MKLN1: variants seen among roughly 807,000 people sequenced by gnomAD.
MKLN1 encodes the protein muskelin 1, also known as muskelin.
MKLN1 carries 18 observed loss-of-function variants against 99.0 expected under a neutral mutation model. The ratio of observed to expected loss-of-function variants is 0.18; its 90% CI spans 0.13 to 0.27. The LOEUF is 0.27. Ranked by LOEUF, MKLN1 falls within the 10% of genes least tolerant of loss-of-function variation. The pLI is 1.00. For synonymous variants in MKLN1, 288 were observed against 293.2 expected (o/e 0.98, Z 0.18); for missense variants, 621 against 875.9 (o/e 0.71, Z 3.67).
intron 1 of MKLN1, among the ~76,000 whole-genome samples, chr7:131,367,720 A>G (rs1450090220): frequency 6.6e-6 from 1 of 152,024 alleles, no homozygotes; most frequent in Non-Finnish European, 1.5e-5. Context: ...CTGTTTACTT[A>G]TATATTCTTT....
At chr7:131,273,311 T>C (rs1797914740) in intron 3 of MKLN1, among the ~76,000 whole-genome samples, 1 of 150,474 alleles carries the variant, frequency 6.6e-6, no homozygotes, top group South Asian at 2.1e-4. Flanking sequence ...GTCCTTTCTG[T>C]AATTCCTCAT....
chr7:131,358,395 G>T (rs1002254067), intron 1 of MKLN1, among the ~76,000 whole-genome samples: 2 of 152,048 alleles, frequency 1.3e-5, no homozygotes, highest in Non-Finnish European at 2.9e-5. Flanking sequence ...TTTTATTGTG[G>T]TGTGTAATTA....
intron 2 of MKLN1, among the ~76,000 whole-genome samples, chr7:131,162,473 A>G (rs1042848301): frequency 2.0e-5 from 3 of 152,174 alleles, no homozygotes; most frequent in Admixed American, 6.6e-5. Context: ...AGATTGTCCC[A>G]TGGGTGGTTG....
intron 1 of MKLN1, among the ~76,000 whole-genome samples, chr7:131,337,362 C>G (rs1799278742): frequency 6.6e-6 from 1 of 152,134 alleles, no homozygotes; most frequent in South Asian, 2.1e-4. Flanking sequence ...TTTTTATCCC[C>G]CATATGTCTC....
intron 2 of MKLN1, among the ~76,000 whole-genome samples, chr7:131,143,764 G>C (rs1478426430): frequency 2.0e-5 from 3 of 152,042 alleles, no homozygotes; most frequent in East Asian, 3.9e-4. Flanking sequence ...GGAGTTCAAG[G>C]CTGCAGTGAG....
intron 3 of MKLN1, among the ~76,000 whole-genome samples, chr7:131,212,901 C>T (rs994931922): frequency 1.4e-4 from 20 of 147,614 alleles, no homozygotes; most frequent in Admixed American, 4.1e-4. Context: ...CCAGCCTGGG[C>T]AACAAGAGCA....
At chr7:131,330,173 G>A (rs953004279) in intron 1 of MKLN1, among the ~76,000 whole-genome samples, 1 of 152,118 alleles carries the variant, frequency 6.6e-6, no homozygotes, top group African/African-American at 2.4e-5. Context: ...TGTAGGAAAG[G>A]GGTTGACTTT....
chr7:131,180,294 G>A (rs1050941120), intron 2 of MKLN1, among the ~76,000 whole-genome samples: 4 of 152,138 alleles, frequency 2.6e-5, no homozygotes, highest in African/African-American at 4.8e-5. Context: ...GTTCCCAAGA[G>A]CAATCACAGA....
At chr7:131,265,444 C>T (rs544473585) in intron 3 of MKLN1, among the ~76,000 whole-genome samples, 1 of 152,198 alleles carries the variant, frequency 6.6e-6, no homozygotes, top group Non-Finnish European at 1.5e-5. Context: ...CCCACCCACT[C>T]TTCTTTCATT....
chr7:131,269,635 C>T (rs1364819477), intron 3 of MKLN1, among the ~76,000 whole-genome samples: 2 of 152,164 alleles, frequency 1.3e-5, no homozygotes, highest in African/African-American at 2.4e-5. Context: ...GTATTTTTCA[C>T]GGTTGTCATG....
At chr7:131,296,906 T>C (rs1046756769) in intron 3 of MKLN1, among the ~76,000 whole-genome samples, 2 of 152,036 alleles carry the variant, frequency 1.3e-5, no homozygotes, top group African/African-American at 4.8e-5. Flanking sequence ...CCAGCTAATG[T>C]TTTTGTATTT....
intron 8 of MKLN1, among the ~76,000 whole-genome samples, chr7:131,428,589 A>G (rs1403243772): frequency 6.6e-6 from 1 of 152,104 alleles, no homozygotes; most frequent in Non-Finnish European, 1.5e-5. Flanking sequence ...TGGGGGTTTT[A>G]TTTTTTAGAA....
At chr7:131,274,097 TG>T (rs1195786959) in intron 3 of MKLN1, among the ~76,000 whole-genome samples, 2 of 152,164 alleles carry the variant, frequency 1.3e-5, no homozygotes, top group Non-Finnish European at 2.9e-5. Context: ...CAGAGAAACA[TG>T]ACATGTCCTC....
chr7:131,469,835 T>G (rs1796768786), intron 15 of MKLN1, among the ~76,000 whole-genome samples: 1 of 152,060 alleles, frequency 6.6e-6, no homozygotes. Context: ...TTTTTGTTGT[T>G]GTTTAGGAGA....
At chr7:131,307,902 G>C (rs1798491733) in intron 3 of MKLN1, among the ~76,000 whole-genome samples, 1 of 152,184 alleles carries the variant, frequency 6.6e-6, no homozygotes, top group African/African-American at 2.4e-5. Context: ...AAAAGGACAT[G>C]AAATTGGGGA....
intron 3 of MKLN1, among the ~76,000 whole-genome samples, chr7:131,296,417 C>G (rs1325947609): frequency 1.3e-5 from 2 of 152,038 alleles, no homozygotes; most frequent in Non-Finnish European, 2.9e-5. Context: ...TTTTATATAT[C>G]TTAATATAGA....
intron 13 of MKLN1, 70 bp from the exon 14 acceptor site, chr7:131,464,220 GTTAA>G: frequency 4.9e-6 from 4 of 808,906 alleles, no homozygotes; most frequent in Non-Finnish European, 7.7e-6. Flanking sequence ...TAGACATGCA[GTTAA>G]TTTGCTTGCT....
At chr7:131,172,886 A>G (rs916262601) in intron 2 of MKLN1, among the ~76,000 whole-genome samples, 5 of 152,212 alleles carry the variant, frequency 3.3e-5, no homozygotes, top group Admixed American at 6.5e-5. Flanking sequence ...CTTGATAGCT[A>G]TGATGAATGA....
intron 1 of MKLN1, among the ~76,000 whole-genome samples, chr7:131,333,331 C>A (rs576776236): frequency 6.6e-6 from 1 of 152,220 alleles, no homozygotes; most frequent in African/African-American, 2.4e-5. Flanking sequence ...CACCTCAGTG[C>A]CCCAAAGTGC....
Sources: allele counts gnomAD v4.1 joint callset (sites outside exome capture counted in the v4.1 genomes callset), GRCh38; gene constraint gnomAD v4.1.1; transcripts MANE v1.5; gene names NCBI Gene and HGNC (gene_info 2026-07-23, HGNC 2026-07-21).